Variants in HECW1 observed in about 807,000 individuals in gnomAD.
The protein encoded by HECW1 is HECT, C2 and WW domain containing E3 ubiquitin protein ligase 1.
HECW1 carries 61 observed loss-of-function variants against 182.3 expected under a neutral mutation model. The ratio of observed to expected loss-of-function variants is 0.33; its 90% CI spans 0.27 to 0.41. The LOEUF is 0.41. Among genes scored for constraint, HECW1 ranks in the 10% least tolerant of loss-of-function variants. The pLI is 1.00. For missense variants in HECW1, 1,739 were observed against 2,108.9 expected (o/e 0.82, Z 3.44); for synonymous variants, 859 against 832.6 (o/e 1.03, Z -0.55).
At chr7:43,458,512 C>T (rs943561806) in intron 13 of HECW1, among the ~76,000 whole-genome samples, 17 of 152,050 alleles carry the variant, frequency 1.1e-4, no homozygotes, top group Admixed American at 3.3e-4. Context: ...GGCAGCTGGA[C>T]CTTGCTGAAT....
chr7:43,175,248 C>G (rs1792110647), intron 2 of HECW1, among the ~76,000 whole-genome samples: 1 of 152,122 alleles, frequency 6.6e-6, no homozygotes, highest in Admixed American at 6.5e-5. Context: ...CCCTCGCACA[C>G]TTACCATTTT....
chr7:43,311,662 C>T, intron 3 of HECW1, 101 bp from the exon 4 acceptor site: 1 of 1,065,406 alleles, frequency 9.4e-7, no homozygotes, highest in African/African-American at 1.5e-5. Context: ...GCAGCTCACT[C>T]ACAGCGCGTG....
intron 8 of HECW1, among the ~76,000 whole-genome samples, chr7:43,427,164 C>T (rs1225806628): frequency 6.6e-6 from 1 of 152,092 alleles, no homozygotes; most frequent in Non-Finnish European, 1.5e-5. Context: ...AGTTATTTTT[C>T]CCTCAGTACT....
intron 3 of HECW1, among the ~76,000 whole-genome samples, chr7:43,287,231 G>A (rs1804762005): frequency 6.6e-6 from 1 of 152,000 alleles, no homozygotes; most frequent in Non-Finnish European, 1.5e-5. Flanking sequence ...TTACACAGGG[G>A]ATTAGGGAGG....
At chr7:43,332,463 G>T (rs879332314) in intron 5 of HECW1, among the ~76,000 whole-genome samples, 1 of 152,186 alleles carries the variant, frequency 6.6e-6, no homozygotes, top group Non-Finnish European at 1.5e-5. Context: ...GCAGGTGTGT[G>T]TGGCGAGAGG....
intron 16 of HECW1, among the ~76,000 whole-genome samples, chr7:43,474,455 T>A (rs1011623441): frequency 6.6e-6 from 1 of 151,616 alleles, no homozygotes; most frequent in African/African-American, 2.4e-5. Context: ...TCTCAAAAAA[T>A]AAATAAATAA....
chr7:43,542,013 G>A lies in HECW1; in HGVS notation c.4248+15G>A. 5 of 1,477,458 alleles carry A rather than the reference G, an allele frequency of 3.4e-6. No individual in the cohort carries two copies. The highest frequency in any genetic ancestry group is 4.5e-6 in the Non-Finnish European group (5 of 1,115,484). The allele number at this position is 1,477,458 out of a possible 1,614,324, so 91.5% of individuals were successfully genotyped here. A position where few individuals can be genotyped will look rare whatever the true frequency, so the allele number is the denominator to read the frequency against. ...TTTTTGGACAGGTTTGTGTGACATG[G>A]GGTTTGGAAAAGGGATTTTGTTTTT... On this transcript the variant is annotated intron_variant, in intron 26 of 29. Transcript: ENST00000395891.
chr7:43,561,213 C>G (rs1266164381), intron 29 of HECW1, among the ~76,000 whole-genome samples: 3 of 152,206 alleles, frequency 2.0e-5, no homozygotes, highest in African/African-American at 7.2e-5. Context: ...CCCCGGGCGC[C>G]AGGACACTCC....
At chr7:43,539,674 C>T (rs1239034728) in intron 24 of HECW1, among the ~76,000 whole-genome samples, 3 of 80 alleles carry the variant, frequency 0.037, no homozygotes, top group African/African-American at 0.14. Context: ...AAGTGCGGAA[C>T]CACGGGCCCA....
chr7:43,416,206 C>T lies in HECW1; in HGVS notation c.801+8475C>T, dbSNP rs1393734436. ...TGATGGTGATGTACAGATGGGTTTT[C>T]GGTGTGGATGTCCTTTCTGTTTGTT... On this transcript the variant is annotated intron_variant, in intron 8 of 29. Coordinates refer to ENST00000395891, the MANE Select transcript of HECW1 (RefSeq NM_015052.5). Among the ~76,000 whole-genome samples the T allele has an allele frequency of 1.0e-3, 151 of 150,330 alleles. 1 individual carries two copies. Among genetic ancestry groups the T allele is most frequent in the African/African-American group, 1.9e-3 (78 of 40,282 alleles).
chr7:43,442,313 T>C (rs2076913704), intron 9 of HECW1, among the ~76,000 whole-genome samples: 1 of 152,262 alleles, frequency 6.6e-6, no homozygotes, highest in Non-Finnish European at 1.5e-5. Flanking sequence ...ATTGCCAGTA[T>C]TTTCAACTTT....
At chr7:43,258,176 C>T (rs1414354295) in intron 3 of HECW1, among the ~76,000 whole-genome samples, 2 of 151,788 alleles carry the variant, frequency 1.3e-5, no homozygotes, top group African/African-American at 2.4e-5. Context: ...CCTGTCTCTA[C>T]TAAAAATACA....
At position 43,463,751 on chromosome 7, in the gene HECW1, G is replaced by A. The variant is rs200817273; in HGVS notation, c.2743G>A (p.Gly915Arg). ...CGAGCAAGCCCCAGCAGGAGGAGGC[G>A]GAGGTGGAGGGAGTGACTCAGAAGC... ...SCEQAPAGGG[G>R]GGGSDSEAES... Residue 915 changes from glycine to arginine, a missense_variant, in exon 14 of 30, where the codon GGA becomes AGA. Physicochemically the swap from Gly to Arg is moderately radical, Grantham distance 125. Transcript: ENST00000395891. The A allele has an allele frequency of 3.5e-4, 564 of 1,613,966 alleles. 1 individual carries two copies. Among genetic ancestry groups the A allele is most frequent in the East Asian group, 2.0e-4 (9 of 44,894 alleles).
At chr7:43,454,456 C>A (rs915679822) in intron 12 of HECW1, among the ~76,000 whole-genome samples, 1 of 152,260 alleles carries the variant, frequency 6.6e-6, no homozygotes, top group African/African-American at 2.4e-5. Context: ...TATGTATATA[C>A]AATTTCATCC....
intron 7 of HECW1, among the ~76,000 whole-genome samples, chr7:43,399,262 G>A (rs2075328021): frequency 6.6e-6 from 1 of 152,134 alleles, no homozygotes; most frequent in Non-Finnish European, 1.5e-5. Flanking sequence ...CTGTTCCCAG[G>A]AATGAACAAA....
chr7:43,233,400 A>T (rs1798047677), intron 2 of HECW1, among the ~76,000 whole-genome samples: 1 of 152,162 alleles, frequency 6.6e-6, no homozygotes, highest in Admixed American at 6.5e-5. Flanking sequence ...TTATGTTGAA[A>T]GATGCTGCTG....
chr7:43,329,378 A>T (rs1456283365), intron 5 of HECW1, among the ~76,000 whole-genome samples: 1 of 152,148 alleles, frequency 6.6e-6, no homozygotes, highest in Non-Finnish European at 1.5e-5. Flanking sequence ...TTCTGGCAGA[A>T]GTGTGGCGAG....
intron 3 of HECW1, among the ~76,000 whole-genome samples, chr7:43,266,095 G>T (rs911436414): frequency 6.6e-6 from 1 of 152,072 alleles, no homozygotes; most frequent in Non-Finnish European, 1.5e-5. Context: ...TAAATCACTG[G>T]CCATTGATTG....
chr7:43,503,701 G>GT (rs148554071), intron 21 of HECW1, among the ~76,000 whole-genome samples: 8,148 of 152,166 alleles, frequency 0.054, 350 homozygotes, highest in East Asian at 0.17. Flanking sequence ...TCTTAGACTG[G>GT]TATGAAATCT....
Sources: allele counts gnomAD v4.1 joint callset (sites outside exome capture counted in the v4.1 genomes callset), GRCh38; gene constraint gnomAD v4.1.1; transcripts MANE v1.5; gene names NCBI Gene and HGNC (gene_info 2026-07-23, HGNC 2026-07-21).